Variants in TANC1 observed in about 807,000 individuals in gnomAD.
TANC1 encodes the protein tetratricopeptide repeat, ankyrin repeat and coiled-coil containing 1.
In TANC1, 77 loss-of-function variants were observed where a neutral mutation model predicts 149.7. The observed-to-expected ratio is 0.51, with a 90% CI of 0.43 to 0.62. The LOEUF (loss-of-function observed/expected upper bound fraction) is 0.62. Among genes scored for constraint, TANC1 ranks in the 20% least tolerant of loss-of-function variants. TANC1 has a pLI of 0.00. For synonymous variants in TANC1, 854 were observed against 925.0 expected, an observed-to-expected ratio of 0.92 and a Z score of 1.39; for missense variants, 1,985 against 2,321.8, an observed-to-expected ratio of 0.85 and a Z score of 2.98.
rs776489164 is a variant in TANC1 at position 159,185,875 on chromosome 2, C to T, written c.2595C>T (p.His865=). The T allele has an allele frequency of 3.7e-6, 6 of 1,613,816 alleles. No individual in the cohort carries two copies. The African/African-American group carries it at 4.0e-5, about 11-fold the overall frequency. ...AGCAGACCATGGAGCTTGGCCACCACATCCTGAAGGCGCACATTTTCAAGG... is the reference window on the plus strand; with the variant it reads ...AGCAGACCATGGAGCTTGGCCACCATATCCTGAAGGCGCACATTTTCAAGG... The part of the protein sequence containing the change: ...NRQQTMELGH[H]ILKAHIFKGL... The change falls in exon 15 of 27, where the codon CAC becomes CAT. Residue 865 remains histidine (H), a synonymous_variant. Coordinates refer to ENST00000263635, the MANE Select transcript of TANC1 (RefSeq NM_033394.3).
At chr2:159,012,309 A>G (rs981515295) in intron 2 of TANC1, among the ~76,000 whole-genome samples, 1 of 152,208 alleles carries the variant, frequency 6.6e-6, no homozygotes, top group African/African-American at 2.4e-5. Flanking sequence ...TCAAAGTAAA[A>G]TATTCTGGCA....
chr2:159,108,813 A>G (rs1373376687), intron 4 of TANC1, among the ~76,000 whole-genome samples: 1 of 152,186 alleles, frequency 6.6e-6, no homozygotes, highest in Non-Finnish European at 1.5e-5. Context: ...GGGAGAGCCC[A>G]GTGGGAACCA....
intron 22 of TANC1, among the ~76,000 whole-genome samples, chr2:159,223,770 C>A (rs113370976): frequency 1.3e-5 from 2 of 152,194 alleles, no homozygotes; most frequent in African/African-American, 4.8e-5. Flanking sequence ...CGGGTCCATC[C>A]GGTCCCAAGC....
In TANC1 at chr2:159,230,867, C is replaced by G; in HGVS notation, c.5441C>G (p.Ser1814Cys). 6.2e-7 allele frequency: 1 copy of G among 1,614,186 alleles called. No homozygotes were observed. ...EESKCQIPVHSQENRITKTVS... is the reference protein window; with the variant it reads ...EESKCQIPVHCQENRITKTVS... Reference sequence around the variant, plus strand: ...AGCAAGTGCCAAATTCCAGTCCACTCTCAAGAGAACAGGATAACTAAGACT... The same window carrying G: ...AGCAAGTGCCAAATTCCAGTCCACTGTCAAGAGAACAGGATAACTAAGACT... Residue 1814 changes from serine to cysteine, a missense_variant, in exon 27 of 27, where the codon TCT (serine) becomes TGT (cysteine). By Grantham distance (112) the Ser-to-Cys change is moderately radical (BLOSUM62 -1). Coordinates refer to ENST00000263635, the MANE Select transcript of TANC1 (RefSeq NM_033394.3). The surrounding 1 kb of genome is among the most constrained non-coding windows in gnomAD (Gnocchi z 4.4).
chr2:159,064,591 T>C (rs1212353315), intron 2 of TANC1, among the ~76,000 whole-genome samples: 1 of 152,198 alleles, frequency 6.6e-6, no homozygotes, highest in Non-Finnish European at 1.5e-5. Context: ...TCGTGACCCC[T>C]GGCAAGCCAG....
At chr2:159,020,193 C>T (rs1052252002) in intron 2 of TANC1, among the ~76,000 whole-genome samples, 51 of 152,222 alleles carry the variant, frequency 3.4e-4, no homozygotes, top group Admixed American at 3.3e-3. Context: ...TCTCAGCTCA[C>T]TGCAACCTCT....
chr2:159,069,686 T>C (rs1045400342), intron 3 of TANC1, among the ~76,000 whole-genome samples: 4 of 151,980 alleles, frequency 2.6e-5, no homozygotes, highest in African/African-American at 9.7e-5. Flanking sequence ...GCAACACTGT[T>C]TGGAAAATGA....
intron 19 of TANC1, among the ~76,000 whole-genome samples, chr2:159,201,742 C>A (rs111898486): frequency 6.6e-6 from 1 of 152,220 alleles, no homozygotes; most frequent in Non-Finnish European, 1.5e-5. Context: ...GTGTGGATAA[C>A]AGTTCATTAT....
intron 1 of TANC1, among the ~76,000 whole-genome samples, chr2:158,994,677 G>A (rs2035977009): frequency 6.6e-6 from 1 of 152,174 alleles, no homozygotes; most frequent in African/African-American, 2.4e-5. Context: ...GTTGCAAAAG[G>A]TTATTTTTGA....
Position 159,178,612 on chromosome 2 carries a change from C to A in TANC1, c.1959C>A (p.Asn653Lys). 1 of 1,609,244 alleles carries A rather than the reference C, an allele frequency of 6.2e-7. No individual in the cohort carries two copies. Among genetic ancestry groups the A allele is most frequent in the African/African-American group, 1.3e-5 (1 of 74,882 alleles). Residue 653 changes from asparagine (N) to lysine (K), a missense_variant, in exon 14 of 27, where the codon AAC (asparagine) becomes AAA (lysine). Physicochemically the swap from Asn to Lys is moderately conservative, Grantham distance 94. Transcript: ENST00000263635. ...VKLSLDDFPD[N>K]KDIHSDLHAY... is the part of the protein sequence containing the mutation. ...TTTCCTTAGATGACTTCCCAGACAACAAAGACATCCACAGTGACCTGCACG... is the reference window on the plus strand; with the variant it reads ...TTTCCTTAGATGACTTCCCAGACAAAAAAGACATCCACAGTGACCTGCACG...
intron 4 of TANC1, among the ~76,000 whole-genome samples, chr2:159,125,505 C>T (rs74604301): frequency 0.01 from 1,572 of 152,200 alleles, 26 homozygotes; most frequent in African/African-American, 0.036. Context: ...TGAACCACTT[C>T]CAGGCTCATT....
chr2:159,150,246 A>T, intron 6 of TANC1, 124 bp from the exon 7 acceptor site: 2 of 716,428 alleles, frequency 2.8e-6, no homozygotes, highest in Non-Finnish European at 4.5e-6. Context: ...ATATCTCTTT[A>T]GATTTTTTTT....
At chr2:159,166,367 T>G (rs2054598394) in intron 8 of TANC1, among the ~76,000 whole-genome samples, 1 of 152,198 alleles carries the variant, frequency 6.6e-6, no homozygotes, top group South Asian at 2.1e-4. Flanking sequence ...TTTGTTCAGC[T>G]TAGAGATGTC....
In TANC1 at chr2:158,981,522, TATATATATATATATATATATAA is replaced by T. The variant is rs1191278419; in HGVS notation, c.-126+12742_-126+12763del. On this transcript the variant is annotated intron_variant, in intron 1 of 26. Transcript: ENST00000263635. ...ATATATATATATATATATATATATA[TATATATATATATATATATATAA>T]AGAAGTAACAGCTTAGAGTTTAAAA... Among the ~76,000 whole-genome samples, 73 of 120,950 alleles carry T rather than the reference TATATATATATATATATATATAA, an allele frequency of 6.0e-4. 1 individual carries two copies. Among genetic ancestry groups the T allele is most frequent in the Non-Finnish European group, 9.9e-4 (56 of 56,730 alleles). 79.3% of individuals were successfully genotyped at this position (120,950 alleles called of 152,430 possible).
chr2:159,195,731 A>G (rs1340579828), intron 17 of TANC1, among the ~76,000 whole-genome samples: 2 of 152,158 alleles, frequency 1.3e-5, no homozygotes, highest in Admixed American at 6.5e-5. Flanking sequence ...CCGCACCTCC[A>G]TTTACGGATG....
chr2:159,047,727 A>G (rs2041182456), intron 2 of TANC1, among the ~76,000 whole-genome samples: 1 of 152,192 alleles, frequency 6.6e-6, no homozygotes, highest in South Asian at 2.1e-4. Flanking sequence ...GTATAAAACC[A>G]AGCTGTGCTC....
chr2:159,120,381 T>C (rs181106427), intron 4 of TANC1, among the ~76,000 whole-genome samples: 3 of 152,116 alleles, frequency 2.0e-5, no homozygotes, highest in African/African-American at 7.2e-5. Flanking sequence ...AATTTTTTTT[T>C]AGAATCTTGA....
chr2:159,186,447 T>A (rs2056976850), intron 15 of TANC1, among the ~76,000 whole-genome samples: 1 of 152,154 alleles, frequency 6.6e-6, no homozygotes, highest in Non-Finnish European at 1.5e-5. Flanking sequence ...CTTCCTCTAA[T>A]TTACTTCCAA....
At chr2:159,210,917 G>A (rs2058943382) in intron 19 of TANC1, among the ~76,000 whole-genome samples, 1 of 151,328 alleles carries the variant, frequency 6.6e-6, no homozygotes, top group Admixed American at 6.6e-5. Flanking sequence ...TGTCGCCCAG[G>A]CTGGAGTACA....
Sources: allele counts gnomAD v4.1 joint callset (sites outside exome capture counted in the v4.1 genomes callset), GRCh38; gene constraint gnomAD v4.1.1; non-coding constraint Gnocchi (gnomAD v3.1); transcripts MANE v1.5; gene names NCBI Gene and HGNC (gene_info 2026-07-23, HGNC 2026-07-21).